Variants in CCDC181 observed in about 807,000 individuals in gnomAD.
The protein encoded by CCDC181 is coiled-coil domain containing 181, also known as coiled-coil domain-containing protein 181.
CCDC181 carries 35 observed loss-of-function variants against 58.7 expected under a neutral mutation model. That is an observed-to-expected ratio of 0.60 (90% CI 0.46 to 0.79). CCDC181 has a LOEUF of 0.79. CCDC181 is among the 30% of genes least tolerant of loss of function. CCDC181 has a pLI of 0.00. For missense variants in CCDC181, 517 were observed against 583.9 expected (o/e 0.89, Z 1.18); for synonymous variants, 183 against 197.5 (o/e 0.93, Z 0.62).
At chr1:169,411,505 A>G (rs371587533) in intron 4 of CCDC181, among the ~76,000 whole-genome samples, 6 of 152,356 alleles carry the variant, frequency 3.9e-5, no homozygotes, top group African/African-American at 1.4e-4. Context: ...TCCAAACAAC[A>G]GAAAAAGAGG....
At chr1:169,430,080 AT>A (rs537488791), upstream of CCDC181, among the ~76,000 whole-genome samples, 1,010 of 152,056 alleles carry the variant, frequency 6.6e-3, 19 homozygotes, top group African/African-American at 0.023. Context: ...CTCACTTTAT[AT>A]TTGTGTGTGC....
At chr1:169,426,535 T>C (rs547839685) in intron 1 of CCDC181, among the ~76,000 whole-genome samples, 1 of 152,208 alleles carries the variant, frequency 6.6e-6, no homozygotes. Context: ...ATAGGTGAAC[T>C]GCCGATCTTT....
intron 1 of CCDC181, among the ~76,000 whole-genome samples, chr1:169,426,554 G>T (rs1023682986): frequency 6.6e-6 from 1 of 152,168 alleles, no homozygotes; most frequent in Non-Finnish European, 1.5e-5. Flanking sequence ...TTCAGTAGGA[G>T]TCTTAAACCA....
At chr1:169,446,095 C>T (rs1571515317) in intron 2 of CCDC181, among the ~76,000 whole-genome samples, 1 of 151,992 alleles carries the variant, frequency 6.6e-6, no homozygotes, top group African/African-American at 2.4e-5. Flanking sequence ...TTATCAATTT[C>T]GTTGATTTCT....
At chr1:169,430,990 T>G (rs1017813491), upstream of CCDC181, among the ~76,000 whole-genome samples, 1 of 152,196 alleles carries the variant, frequency 6.6e-6, no homozygotes, top group African/African-American at 2.4e-5. Context: ...TTGCAACCAA[T>G]CAGGGGTACT....
At chr1:169,410,041 A>T (rs1194252504) in intron 4 of CCDC181, among the ~76,000 whole-genome samples, 1 of 152,132 alleles carries the variant, frequency 6.6e-6, no homozygotes, top group Non-Finnish European at 1.5e-5. Context: ...AACAATATTG[A>T]CCTTTACTGT....
chr1:169,432,255 A>G (rs1346848859), upstream of CCDC181, among the ~76,000 whole-genome samples: 1 of 152,174 alleles, frequency 6.6e-6, no homozygotes, highest in Non-Finnish European at 1.5e-5. Context: ...AGAAGAAAGA[A>G]TCAGTGAACT....
intron 2 of CCDC181, among the ~76,000 whole-genome samples, chr1:169,449,823 C>T (rs893344406): frequency 1.3e-5 from 2 of 152,302 alleles, no homozygotes; most frequent in African/African-American, 4.8e-5. Flanking sequence ...GTGGGTCTGC[C>T]TCTCCCAGTC....
upstream of CCDC181, among the ~76,000 whole-genome samples, chr1:169,428,552 C>A (rs1656809675): frequency 6.6e-6 from 1 of 152,146 alleles, no homozygotes; most frequent in African/African-American, 2.4e-5. Context: ...TGTTTGGTTA[C>A]ATGGATAAGT....
At chr1:169,411,735 G>A (rs1391271994) in intron 4 of CCDC181, among the ~76,000 whole-genome samples, 5 of 152,090 alleles carry the variant, frequency 3.3e-5, no homozygotes, top group African/African-American at 9.7e-5. Flanking sequence ...TATGCAAATC[G>A]ATAAACATAA....
At position 169,437,566 on chromosome 1, in the gene CCDC181, A is replaced by G. The variant is rs1263538906; in HGVS notation, c.-23-12616T>C. On this transcript the variant is annotated intron_variant, in intron 2 of 6. Transcript: ENST00000545005. Reference sequence around the variant, plus strand: ...TTACAATTTTGCAATGGCAGTTTCAATCCCTCCCTTTGGGTTTTATAACAT... The same window carrying G: ...TTACAATTTTGCAATGGCAGTTTCAGTCCCTCCCTTTGGGTTTTATAACAT... 8.5e-5 allele frequency among the ~76,000 whole-genome samples: 13 copies of G among 152,294 alleles called. No individual in the cohort carries two copies. In the East Asian group the frequency reaches 2.1e-3, roughly 25 times the overall value.
intron 4 of CCDC181, chr1:169,418,687 G>C (rs1435523864): frequency 1.2e-5 from 4 of 326,098 alleles, no homozygotes; most frequent in Admixed American, 9.6e-5. Flanking sequence ...AGTCTTAAGT[G>C]AGACCAGTCT....
chr1:169,411,859 G>A (rs1655982980), intron 4 of CCDC181, among the ~76,000 whole-genome samples: 1 of 152,106 alleles, frequency 6.6e-6, no homozygotes. Context: ...CAATAAACTA[G>A]GTACTGATGG....
Position 169,440,931 on chromosome 1 carries a change from T to TAAAAAAAAAAAAAA in CCDC181, c.-23-15995_-23-15982dup, listed in dbSNP as rs72040890. 5.5e-4 allele frequency among the ~76,000 whole-genome samples: 42 copies of TAAAAAAAAAAAAAA among 76,862 alleles called. 2 individuals carry two copies. Among genetic ancestry groups the TAAAAAAAAAAAAAA allele is most frequent in the Non-Finnish European group, 6.3e-4 (23 of 36,514 alleles). The allele number at this position is 76,862 out of a possible 152,430, so 50.4% of individuals were successfully genotyped here. A position where few individuals can be genotyped will look rare whatever the true frequency, so the allele number is the denominator to read the frequency against. ...GCCCAGGCAACAGAGCAAGACTGTC[T>TAAAAAAAAAAAAAA]AAAAAAAAAAAAAAGGCAAGATGAG... On this transcript the variant is annotated intron_variant, in intron 2 of 6. Transcript: ENST00000545005.
chr1:169,430,815 A>C (rs540299272), upstream of CCDC181, among the ~76,000 whole-genome samples: 2 of 152,322 alleles, frequency 1.3e-5, no homozygotes, highest in Admixed American at 1.3e-4. Flanking sequence ...CTTGGGTCCA[A>C]ATACCCACTA....
chr1:169,415,384 C>G (rs1373884234), intron 4 of CCDC181, among the ~76,000 whole-genome samples: 1 of 152,160 alleles, frequency 6.6e-6, no homozygotes, highest in East Asian at 1.9e-4. Flanking sequence ...TCCTTCATAA[C>G]CCTTGTTAGT....
At chr1:169,418,427 C>T (rs1198384409) in intron 4 of CCDC181, among the ~76,000 whole-genome samples, 1 of 151,776 alleles carries the variant, frequency 6.6e-6, no homozygotes, top group African/African-American at 2.4e-5. Context: ...AGGATTTGCA[C>T]CACGCTGTTA....
chr1:169,408,668 G>A (rs1055287171), intron 4 of CCDC181, among the ~76,000 whole-genome samples: 2 of 152,176 alleles, frequency 1.3e-5, no homozygotes, highest in African/African-American at 4.8e-5. Flanking sequence ...GCCCCTCTGG[G>A]ACAAAGCTTC....
In CCDC181 at chr1:169,444,983, C is replaced by T. The variant is rs562718732; in HGVS notation, c.-24+14814G>A. Among the ~76,000 whole-genome samples the T allele has an allele frequency of 3.9e-4, 60 of 152,144 alleles. 1 individual carries two copies. Among genetic ancestry groups the T allele is most frequent in the Non-Finnish European group, 4.1e-4 (28 of 68,002 alleles). On this transcript the variant is annotated intron_variant, in intron 2 of 6. Coordinates refer to the CCDC181 transcript ENST00000545005. ...AATAAAATACAAACTCCTTACCTTA[C>T]TTCCAAGGTCCTACATAATCAGGCC... is the stretch of plus-strand genomic sequence containing the variant.
Sources: gnomAD v4.1 joint callset for allele counts (sites outside exome capture counted in the v4.1 genomes callset) on GRCh38, gnomAD v4.1.1 for gene constraint, MANE v1.5 for transcripts, NCBI Gene and HGNC (gene_info 2026-07-23, HGNC 2026-07-21) for gene names.